Variants in SEMA3A observed in about 807,000 individuals in gnomAD.
SEMA3A encodes semaphorin 3A.
A neutral mutation model predicts 97.9 loss-of-function variants in SEMA3A; 29 were observed. That is an observed-to-expected ratio of 0.30 (90% CI 0.22 to 0.40). The LOEUF is 0.40. Among genes scored for constraint, SEMA3A ranks in the 10% least tolerant of loss-of-function variants. The probability of loss-of-function intolerance (pLI) is 1.00; values close to 1 mark genes in which losing one functional copy is unlikely to be tolerated. For missense variants in SEMA3A, 763 were observed against 951.3 expected (o/e 0.80, Z 2.60); for synonymous variants, 321 against 323.7 (o/e 0.99, Z 0.09).
rs143106954 is a variant in SEMA3A, at chr7:84,007,221, G to A, written c.1140+132C>T. The A allele has an allele frequency of 3.9e-5, 26 of 663,598 alleles. No individual in the cohort carries two copies. The highest frequency in any genetic ancestry group is 1.3e-4 in the African/African-American group (7 of 53,804). 41.1% of individuals were successfully genotyped at this position (663,598 alleles called of 1,614,324 possible). On this transcript the variant is annotated intron_variant, in intron 10 of 16. Coordinates refer to ENST00000265362, the MANE Select transcript of SEMA3A (RefSeq NM_006080.3). Reference sequence around the variant, plus strand: ...TTCAATCATGGAAAATCTTTGTCTTGCTTTAATTTATAATCTTGAAATCTT... The same window carrying A: ...TTCAATCATGGAAAATCTTTGTCTTACTTTAATTTATAATCTTGAAATCTT...
At chr7:84,330,666 G>C (rs1253821606) in intron 2 of SEMA3A, among the ~76,000 whole-genome samples, 1 of 151,802 alleles carries the variant, frequency 6.6e-6, no homozygotes, top group Non-Finnish European at 1.5e-5. Context: ...TTCCCCCTGT[G>C]GTACATGGGA....
At chr7:84,340,797 A>ACC (rs369456083) in intron 2 of SEMA3A, among the ~76,000 whole-genome samples, 1 of 144,866 alleles carries the variant, frequency 6.9e-6, no homozygotes, top group Non-Finnish European at 1.5e-5. Flanking sequence ...AAAAAAAAAA[A>ACC]ATCAAAATAA....
intron 3 of SEMA3A, among the ~76,000 whole-genome samples, chr7:84,281,689 A>G (rs190998451): frequency 8.5e-5 from 13 of 152,302 alleles, no homozygotes; most frequent in African/African-American, 3.1e-4. Context: ...CTGTAGCTAC[A>G]TTCAGTAGGT....
At chr7:84,481,160 A>C (rs539903156) in intron 1 of SEMA3A, among the ~76,000 whole-genome samples, 3 of 152,296 alleles carry the variant, frequency 2.0e-5, no homozygotes, top group African/African-American at 7.2e-5. Context: ...AAAGGCTTCT[A>C]AGTAAAGAAA....
At chr7:84,336,519 G>A (rs1242617318) in intron 2 of SEMA3A, among the ~76,000 whole-genome samples, 2 of 152,106 alleles carry the variant, frequency 1.3e-5, no homozygotes, top group African/African-American at 2.4e-5. Context: ...GGTCTTGGGT[G>A]AGCAGATGTT....
At chr7:84,085,408 A>G (rs887161465) in intron 4 of SEMA3A, among the ~76,000 whole-genome samples, 1 of 152,030 alleles carries the variant, frequency 6.6e-6, no homozygotes, top group Non-Finnish European at 1.5e-5. Flanking sequence ...GGGAGAAAAA[A>G]AAAAGTAAAC....
intron 1 of SEMA3A, among the ~76,000 whole-genome samples, chr7:84,481,503 A>G (rs1447533205): frequency 2.0e-5 from 3 of 152,216 alleles, no homozygotes; most frequent in Non-Finnish European, 2.9e-5. Context: ...TAGAAAAAAG[A>G]TCTGGCATAA....
chr7:84,429,547 T>TATATATAGAG (rs1443588588), intron 1 of SEMA3A, among the ~76,000 whole-genome samples: 1 of 115,948 alleles, frequency 8.6e-6, no homozygotes, highest in African/African-American at 3.2e-5. Flanking sequence ...TATATATATA[T>TATATATAGAG]AGCGAGAGAG....
intron 5 of SEMA3A, among the ~76,000 whole-genome samples, chr7:84,052,644 G>A (rs1393690702): frequency 3.3e-5 from 5 of 151,664 alleles, no homozygotes; most frequent in African/African-American, 1.2e-4. Flanking sequence ...CAATTTTGTT[G>A]ATCCTTTCAA....
intron 5 of SEMA3A, among the ~76,000 whole-genome samples, chr7:84,059,080 T>C (rs560883794): frequency 6.6e-6 from 1 of 152,312 alleles, no homozygotes; most frequent in East Asian, 1.9e-4. Context: ...GTGTGCAATT[T>C]AAATAACTAT....
At chr7:84,364,915 A>G (rs773165359) in intron 2 of SEMA3A, among the ~76,000 whole-genome samples, 1 of 151,560 alleles carries the variant, frequency 6.6e-6, no homozygotes, top group Non-Finnish European at 1.5e-5. Flanking sequence ...GAGAGCAGTT[A>G]AAAACACAGA....
At chr7:84,414,556 G>T (rs1804377479) in intron 1 of SEMA3A, among the ~76,000 whole-genome samples, 2 of 152,072 alleles carry the variant, frequency 1.3e-5, no homozygotes, top group South Asian at 4.1e-4. Flanking sequence ...GACACAAATG[G>T]TCATTATGTG....
intron 3 of SEMA3A, among the ~76,000 whole-genome samples, chr7:84,226,897 AG>A (rs1406668976): frequency 6.6e-6 from 1 of 152,050 alleles, no homozygotes; most frequent in African/African-American, 2.4e-5. Flanking sequence ...ATAATTATAG[AG>A]ATGCCATTAA....
intron 1 of SEMA3A, among the ~76,000 whole-genome samples, chr7:84,381,729 A>T (rs1803266114): frequency 6.6e-6 from 1 of 152,144 alleles, no homozygotes; most frequent in African/African-American, 2.4e-5. Context: ...GTCCAAGCCC[A>T]AATCTTGATA....
At chr7:84,375,402 T>C (rs972720636) in intron 1 of SEMA3A, among the ~76,000 whole-genome samples, 22 of 152,294 alleles carry the variant, frequency 1.4e-4, no homozygotes, top group African/African-American at 5.3e-4. Flanking sequence ...CTTATTTGTC[T>C]TTCTAATAAC....
intron 3 of SEMA3A, among the ~76,000 whole-genome samples, chr7:84,263,798 T>A (rs1040823710): frequency 1.3e-5 from 2 of 152,176 alleles, no homozygotes; most frequent in Non-Finnish European, 2.9e-5. Context: ...ATGTTAGGTA[T>A]ACATGATAAT....
At chr7:84,366,294 T>C (rs1802845953) in intron 2 of SEMA3A, among the ~76,000 whole-genome samples, 1 of 151,300 alleles carries the variant, frequency 6.6e-6, no homozygotes, top group African/African-American at 2.4e-5. Context: ...AGACCTGAAG[T>C]AGGCCCACGA....
At chr7:84,242,344 C>T (rs535606950) in intron 3 of SEMA3A, among the ~76,000 whole-genome samples, 19 of 152,288 alleles carry the variant, frequency 1.2e-4, no homozygotes, top group African/African-American at 3.4e-4. Flanking sequence ...AGGTCCTTCA[C>T]ATCCCTTGTG....
chr7:84,319,452 A>C (rs1801593802), intron 2 of SEMA3A, among the ~76,000 whole-genome samples: 1 of 152,190 alleles, frequency 6.6e-6, no homozygotes, highest in Non-Finnish European at 1.5e-5. Flanking sequence ...CTTCAGTGGC[A>C]TAATAATTTC....
Sources: gnomAD v4.1 joint callset for allele counts (sites outside exome capture counted in the v4.1 genomes callset) on GRCh38, gnomAD v4.1.1 for gene constraint, MANE v1.5 for transcripts, NCBI Gene and HGNC (gene_info 2026-07-23, HGNC 2026-07-21) for gene names.